The following COP1 variants were observed in gnomAD, a reference collection of about 807,000 sequenced individuals.
The protein encoded by COP1 is E3 ubiquitin-protein ligase COP1.
COP1 carries 24 observed loss-of-function variants against 101.3 expected under a neutral mutation model. The observed-to-expected ratio is 0.24, with a 90% confidence interval of 0.17 to 0.33. The LOEUF (loss-of-function observed/expected upper bound fraction) is 0.33, where lower values mean the gene tolerates loss of function less well. Among genes scored for constraint, COP1 ranks in the 10% least tolerant of loss-of-function variants. COP1 has a pLI of 1.00. For synonymous variants in COP1, 347 were observed against 341.9 expected, an observed-to-expected ratio of 1.01 and a Z score of -0.17; for missense variants, 663 against 906.2, an observed-to-expected ratio of 0.73 and a Z score of 3.45.
intron 11 of COP1, among the ~76,000 whole-genome samples, chr1:176,055,947 T>G (rs951616545): frequency 5.9e-5 from 9 of 152,224 alleles, no homozygotes; most frequent in Non-Finnish European, 1.2e-4. Flanking sequence ...AGTTAATTCC[T>G]TTTTGAGTAG....
intron 2 of COP1, among the ~76,000 whole-genome samples, chr1:176,181,697 C>T (rs1168695580): frequency 2.0e-5 from 3 of 151,944 alleles, no homozygotes; most frequent in East Asian, 1.9e-4. Flanking sequence ...AAAAATTAGC[C>T]GGGCGTGGTG....
intron 18 of COP1, among the ~76,000 whole-genome samples, chr1:175,972,342 T>C (rs1246126369): frequency 2.4e-4 from 36 of 152,180 alleles, no homozygotes; most frequent in Admixed American, 2.3e-3. Context: ...CCAAGACGTA[T>C]TTTTCTGCTT....
chr1:176,031,934 AT>A (rs1303942476), intron 14 of COP1, among the ~76,000 whole-genome samples: 1 of 152,212 alleles, frequency 6.6e-6, no homozygotes, highest in African/African-American at 2.4e-5. Flanking sequence ...AGAGAACAAG[AT>A]ATTGCTTATC....
At chr1:176,151,521 G>GT (rs764035017) in intron 5 of COP1, among the ~76,000 whole-genome samples, 2 of 152,086 alleles carry the variant, frequency 1.3e-5, no homozygotes, top group Non-Finnish European at 2.9e-5. Flanking sequence ...AAGAGGGAGC[G>GT]TATCTGCTAT....
At chr1:176,192,984 C>T (rs1699277511) in intron 1 of COP1, among the ~76,000 whole-genome samples, 1 of 152,192 alleles carries the variant, frequency 6.6e-6, no homozygotes, top group South Asian at 2.1e-4. Flanking sequence ...AAACAAAAAC[C>T]TAAACACTGT....
intron 18 of COP1, among the ~76,000 whole-genome samples, chr1:175,964,231 T>C (rs1651726872): frequency 1.3e-5 from 2 of 152,050 alleles, no homozygotes; most frequent in South Asian, 4.1e-4. Context: ...AATCAGAACA[T>C]TACCCCAAGA....
chr1:176,027,777 C>T, intron 14 of COP1, 89 bp from the exon 15 acceptor site: 1 of 763,864 alleles, frequency 1.3e-6, no homozygotes, highest in East Asian at 2.7e-5. Flanking sequence ...GCTTATTGCT[C>T]CAGAAATCTT....
chr1:176,150,533 T>C (rs917101576), intron 5 of COP1, among the ~76,000 whole-genome samples: 2 of 152,182 alleles, frequency 1.3e-5, no homozygotes, highest in South Asian at 2.1e-4. Context: ...GCCTTCCACA[T>C]TGTTTGTGGG....
At chr1:176,178,939 C>T (rs1162879831) in intron 2 of COP1, among the ~76,000 whole-genome samples, 1 of 151,826 alleles carries the variant, frequency 6.6e-6, no homozygotes, top group Admixed American at 6.6e-5. Context: ...CTTTGGCAGG[C>T]CAAGGTGGGC....
chr1:176,000,111 T>C (rs1301306606), intron 15 of COP1, among the ~76,000 whole-genome samples: 5 of 152,122 alleles, frequency 3.3e-5, no homozygotes, highest in Admixed American at 3.3e-4. Context: ...CTTTTTAACT[T>C]GATATGATCC....
At chr1:175,994,432 G>T (rs1053457176) in intron 15 of COP1, among the ~76,000 whole-genome samples, 14 of 152,132 alleles carry the variant, frequency 9.2e-5, no homozygotes, top group East Asian at 1.9e-4. Flanking sequence ...ATGCTCCAAT[G>T]AAAAGACACA....
chr1:176,049,050 T>C (rs1672028179), intron 11 of COP1, among the ~76,000 whole-genome samples: 1 of 151,354 alleles, frequency 6.6e-6, no homozygotes, highest in Non-Finnish European at 1.5e-5. Flanking sequence ...CGGGCGCCTG[T>C]AGTCCCAGCT....
chr1:176,082,248 T>C (rs1444692133), intron 10 of COP1, among the ~76,000 whole-genome samples: 1 of 152,208 alleles, frequency 6.6e-6, no homozygotes, highest in African/African-American at 2.4e-5. Context: ...GTTATACCAC[T>C]GTATTTTCAT....
intron 1 of COP1, among the ~76,000 whole-genome samples, chr1:176,204,119 C>T (rs372866294): frequency 6.6e-6 from 1 of 152,158 alleles, no homozygotes; most frequent in Non-Finnish European, 1.5e-5. Context: ...TCTCTAATTG[C>T]ACACAAAGAA....
chr1:176,115,090 T>C (rs1292405245), intron 9 of COP1, among the ~76,000 whole-genome samples: 1 of 152,232 alleles, frequency 6.6e-6, no homozygotes, highest in Non-Finnish European at 1.5e-5. Context: ...ATGTAAACTA[T>C]AAAGGAATTC....
At chr1:176,204,277 A>G (rs1020053603) in intron 1 of COP1, among the ~76,000 whole-genome samples, 2 of 152,236 alleles carry the variant, frequency 1.3e-5, no homozygotes, top group Non-Finnish European at 2.9e-5. Flanking sequence ...GAATTGTTCT[A>G]AGGATAAAAT....
intron 9 of COP1, among the ~76,000 whole-genome samples, chr1:176,091,885 C>A (rs1472114196): frequency 6.6e-6 from 1 of 152,036 alleles, no homozygotes; most frequent in African/African-American, 2.4e-5. Flanking sequence ...GGTATGCTAT[C>A]TGCCAAAGAA....
At chr1:176,139,637 A>G (rs1217021789) in intron 6 of COP1, among the ~76,000 whole-genome samples, 1 of 152,226 alleles carries the variant, frequency 6.6e-6, no homozygotes, top group Non-Finnish European at 1.5e-5. Flanking sequence ...AGCCATAAAA[A>G]GAACAAATCA....
intron 8 of COP1, among the ~76,000 whole-genome samples, chr1:176,117,653 G>T (rs1179647362): frequency 1.3e-5 from 2 of 152,178 alleles, no homozygotes; most frequent in Non-Finnish European, 2.9e-5. Flanking sequence ...CCAGCACTTT[G>T]GGAGGCCAAG....
Sources: gnomAD v4.1 joint callset for allele counts (sites outside exome capture counted in the v4.1 genomes callset) on GRCh38, gnomAD v4.1.1 for gene constraint, MANE v1.5 for transcripts, NCBI Gene and HGNC (gene_info 2026-07-23, HGNC 2026-07-21) for gene names.